The following TNFSF4 variants were observed in gnomAD, a reference collection of about 807,000 sequenced individuals.
The protein encoded by TNFSF4 is TNF superfamily member 4.
In TNFSF4, 4 loss-of-function variants were observed where a neutral mutation model predicts 7.3. The ratio of observed to expected loss-of-function variants is 0.55; its 90% CI spans 0.27 to 1.25. The LOEUF (loss-of-function observed/expected upper bound fraction) is 1.25. Among genes scored for constraint, TNFSF4 ranks in the 50% most tolerant of loss-of-function variants. TNFSF4 has a pLI of 0.12. For synonymous variants in TNFSF4, 76 were observed against 83.7 expected (o/e 0.91, Z 0.50); for missense variants, 181 against 208.8 (o/e 0.87, Z 0.82).
At chr1:173,388,129 T>C in the TNFSF4 span, among the ~76,000 whole-genome samples, 2 of 152,242 alleles carry the variant, frequency 1.3e-5, no homozygotes, top group African/African-American at 4.8e-5. Flanking sequence ...GCCTGGCATA[T>C]AGTAAGCACT....
the TNFSF4 span, among the ~76,000 whole-genome samples, chr1:173,441,542 T>C: frequency 6.6e-6 from 1 of 152,160 alleles, no homozygotes. Flanking sequence ...GAGAATCACT[T>C]GAACCCGGGA....
chr1:173,443,250 A>C, the TNFSF4 span, among the ~76,000 whole-genome samples: 7 of 152,226 alleles, frequency 4.6e-5, no homozygotes, highest in South Asian at 1.2e-3. Context: ...AAGTATGAGA[A>C]GCCAGAACAA....
At chr1:173,367,667 C>T in the TNFSF4 span, among the ~76,000 whole-genome samples, 1 of 152,144 alleles carries the variant, frequency 6.6e-6, no homozygotes, top group Non-Finnish European at 1.5e-5. Flanking sequence ...GGAGCTCATG[C>T]CATGAAGGAC....
the TNFSF4 span, among the ~76,000 whole-genome samples, chr1:173,283,536 G>C: frequency 6.6e-6 from 1 of 152,136 alleles, no homozygotes; most frequent in African/African-American, 2.4e-5. Flanking sequence ...CTCTAGAGAA[G>C]AGCACTCTCA....
At chr1:173,179,278 G>A (rs990999502), downstream of TNFSF4, among the ~76,000 whole-genome samples, 3 of 152,186 alleles carry the variant, frequency 2.0e-5, no homozygotes, top group Non-Finnish European at 4.4e-5. Context: ...GCAACACGAT[G>A]AGCCAGAAGA....
At chr1:173,313,376 A>G in the TNFSF4 span, among the ~76,000 whole-genome samples, 1 of 152,158 alleles carries the variant, frequency 6.6e-6, no homozygotes, top group African/African-American at 2.4e-5. Flanking sequence ...GAATAAGGCA[A>G]TTCAGTTTTG....
chr1:173,177,223 A>C, the TNFSF4 span, among the ~76,000 whole-genome samples: 1 of 152,230 alleles, frequency 6.6e-6, no homozygotes, highest in South Asian at 2.1e-4. Context: ...TTAAAGAAAG[A>C]AAATGTGGTA....
At chr1:173,378,888 C>A in the TNFSF4 span, among the ~76,000 whole-genome samples, 13 of 150,610 alleles carry the variant, frequency 8.6e-5, no homozygotes, top group African/African-American at 2.2e-4. Context: ...CCCCCCCCAC[C>A]ACAGGCTATC....
At chr1:173,257,090 G>A in the TNFSF4 span, among the ~76,000 whole-genome samples, 8 of 152,208 alleles carry the variant, frequency 5.3e-5, no homozygotes, top group Non-Finnish European at 8.8e-5. Flanking sequence ...TCCCTCTCAC[G>A]TGGGAGAAGG....
chr1:173,204,902 AACAC>A (rs367741572), intron 1 of TNFSF4, among the ~76,000 whole-genome samples: 32 of 144,890 alleles, frequency 2.2e-4, no homozygotes, highest in East Asian at 2.0e-3. Context: ...AACACACAGA[AACAC>A]ACACACACAC....
At chr1:173,223,421 A>G in the TNFSF4 span, among the ~76,000 whole-genome samples, 160 of 152,270 alleles carry the variant, frequency 1.1e-3, no homozygotes, top group African/African-American at 3.7e-3. Context: ...CTAGAAAAGA[A>G]TATTTATTGA....
At chr1:173,293,027 G>C in the TNFSF4 span, among the ~76,000 whole-genome samples, 6 of 152,056 alleles carry the variant, frequency 3.9e-5, no homozygotes, top group Non-Finnish European at 7.4e-5. Flanking sequence ...CCATGCTCAT[G>C]GATAGGAAGA....
chr1:173,445,482 T>C, the TNFSF4 span, among the ~76,000 whole-genome samples: 1 of 152,158 alleles, frequency 6.6e-6, no homozygotes, highest in African/African-American at 2.4e-5. Context: ...TTTTCACAGC[T>C]TGCCTAGCAG....
At chr1:173,253,301 A>G in the TNFSF4 span, among the ~76,000 whole-genome samples, 31 of 152,348 alleles carry the variant, frequency 2.0e-4, no homozygotes, top group Non-Finnish European at 4.1e-4. Context: ...ATCCTCAAAC[A>G]TAAGTGAACG....
the TNFSF4 span, among the ~76,000 whole-genome samples, chr1:173,373,135 G>A: frequency 0.017 from 2,600 of 152,302 alleles, 41 homozygotes; most frequent in Non-Finnish European, 0.023. Context: ...GCTGCAATAT[G>A]GAAAGAAAGG....
At chr1:173,419,175 C>T in the TNFSF4 span, among the ~76,000 whole-genome samples, 10 of 151,514 alleles carry the variant, frequency 6.6e-5, no homozygotes, top group Non-Finnish European at 1.3e-4. Flanking sequence ...CCATCTCTAC[C>T]AAAAAAATAC....
At chr1:173,264,235 C>T in the TNFSF4 span, among the ~76,000 whole-genome samples, 2 of 151,926 alleles carry the variant, frequency 1.3e-5, no homozygotes, top group Admixed American at 6.6e-5. Context: ...GCACTCTTGA[C>T]CTCCTGAGCC....
the TNFSF4 span, among the ~76,000 whole-genome samples, chr1:173,356,841 TG>T: frequency 1.3e-5 from 2 of 152,122 alleles, no homozygotes; most frequent in African/African-American, 4.8e-5. Context: ...AATCAATGTG[TG>T]GGGGGAAAAA....
the TNFSF4 span, among the ~76,000 whole-genome samples, chr1:173,384,605 A>C: frequency 6.6e-6 from 1 of 151,984 alleles, no homozygotes; most frequent in Non-Finnish European, 1.5e-5. Context: ...TCTTCCCTCT[A>C]CCAGTGGTGG....
Sources: allele counts gnomAD v4.1 joint callset (sites outside exome capture counted in the v4.1 genomes callset), GRCh38; gene constraint gnomAD v4.1.1; transcripts MANE v1.5; gene names NCBI Gene and HGNC (gene_info 2026-07-23, HGNC 2026-07-21).